Variants in SLC41A2 observed in about 807,000 individuals in gnomAD.
SLC41A2 encodes the protein SLC41A1-like 1.
Under a neutral mutation model 58.3 loss-of-function variants are expected in SLC41A2, and 32 were observed. That is an observed-to-expected ratio of 0.55 (90% CI 0.41 to 0.74). The LOEUF (loss-of-function observed/expected upper bound fraction) is 0.74, where lower values mean the gene tolerates loss of function less well. SLC41A2 is among the 30% of genes least tolerant of loss of function. The probability of loss-of-function intolerance (pLI) is 0.00; values close to 1 mark genes in which losing one functional copy is unlikely to be tolerated. For synonymous variants in SLC41A2, 190 were observed against 235.0 expected, an observed-to-expected ratio of 0.81 and a Z score of 1.75; for missense variants, 514 against 680.6, an observed-to-expected ratio of 0.76 and a Z score of 2.72.
chr12:104,828,347 A>C (rs548634742), intron 10 of SLC41A2, among the ~76,000 whole-genome samples: 7 of 152,258 alleles, frequency 4.6e-5, no homozygotes, highest in Non-Finnish European at 1.0e-4. Flanking sequence ...AAAACCTTGC[A>C]CTCATTCTCT....
At chr12:104,944,532 G>T (rs2047636783) in intron 1 of SLC41A2, among the ~76,000 whole-genome samples, 1 of 152,194 alleles carries the variant, frequency 6.6e-6, no homozygotes, top group Non-Finnish European at 1.5e-5. Flanking sequence ...TTGAAACAAT[G>T]ACCTAACTCT....
In SLC41A2 at chr12:104,803,302, C is replaced by T. The variant is rs1048334595; in HGVS notation, c.*1850G>A. 3 of 151,914 alleles carry T rather than the reference C, an allele frequency of 2.0e-5. No individual in the cohort carries two copies. The highest frequency in any genetic ancestry group is 7.3e-5 in the African/African-American group (3 of 41,324). 9.4% of individuals were successfully genotyped at this position (151,914 alleles called of 1,614,324 possible). ...GCAGCTAAATATTCATCAACTTAAA[C>T]TTATTCTTTCTTTTATAAGAATGTT... On this transcript the variant is annotated 3_prime_UTR_variant, in exon 11 of 11. Transcript: ENST00000258538.
intron 10 of SLC41A2, among the ~76,000 whole-genome samples, chr12:104,806,891 T>C (rs1437723581): frequency 6.6e-6 from 1 of 152,186 alleles, no homozygotes; most frequent in African/African-American, 2.4e-5. Flanking sequence ...TCATATCCTT[T>C]GCCCACTTGT....
chr12:104,850,214 A>G (rs2042748465), intron 8 of SLC41A2, among the ~76,000 whole-genome samples: 1 of 152,210 alleles, frequency 6.6e-6, no homozygotes, highest in African/African-American at 2.4e-5. Context: ...AAAAAAAGTG[A>G]TGAAACTACA....
intron 10 of SLC41A2, among the ~76,000 whole-genome samples, chr12:104,806,827 A>AT (rs895419054): frequency 2.0e-5 from 3 of 151,758 alleles, no homozygotes; most frequent in African/African-American, 7.3e-5. Flanking sequence ...GATGATGAGC[A>AT]TTTTTTCATG....
chr12:104,836,090 C>A (rs7969595), intron 10 of SLC41A2, among the ~76,000 whole-genome samples: 1 of 152,146 alleles, frequency 6.6e-6, no homozygotes, highest in Non-Finnish European at 1.5e-5. Context: ...GTGATCCATC[C>A]GCCTTGGCCT....
chr12:104,917,870 C>T (rs2046400126), intron 2 of SLC41A2, among the ~76,000 whole-genome samples: 1 of 145,306 alleles, frequency 6.9e-6, no homozygotes, highest in African/African-American at 2.5e-5. Context: ...ATACCTAATG[C>T]TAAATGATGA....
At chr12:104,853,926 T>TTTTTTTTTTTTTA (rs2042918304) in intron 8 of SLC41A2, among the ~76,000 whole-genome samples, 22 of 118,928 alleles carry the variant, frequency 1.8e-4, no homozygotes, top group Middle Eastern at 4.1e-3. Flanking sequence ...TTTTTTTTTT[T>TTTTTTTTTTTTTA]TTTTTTTTTT....
intron 1 of SLC41A2, among the ~76,000 whole-genome samples, chr12:104,930,871 A>G (rs139613419): frequency 1.8e-4 from 27 of 152,390 alleles, no homozygotes; most frequent in Admixed American, 7.2e-4. Flanking sequence ...GTGGCTAAGC[A>G]CATAGTCAAC....
chr12:104,876,632 A>G (rs1005264471), intron 6 of SLC41A2, among the ~76,000 whole-genome samples: 6 of 152,030 alleles, frequency 3.9e-5, no homozygotes, highest in Admixed American at 3.9e-4. Flanking sequence ...ACTTGATATG[A>G]TTTCAGTCTC....
chr12:104,904,205 A>T (rs186162718), intron 3 of SLC41A2, among the ~76,000 whole-genome samples: 25 of 152,330 alleles, frequency 1.6e-4, no homozygotes, highest in African/African-American at 5.5e-4. Context: ...TCTTTGAGAT[A>T]AGCTAGCCAA....
chr12:104,885,382 CCTTT>C (rs58622210), intron 6 of SLC41A2, among the ~76,000 whole-genome samples: 1,877 of 152,172 alleles, frequency 0.012, 50 homozygotes, highest in African/African-American at 0.043. Flanking sequence ...TGGTTAAAGC[CCTTT>C]CTTTATTTCA....
chr12:104,932,480 C>G (rs2047089506), intron 1 of SLC41A2, among the ~76,000 whole-genome samples: 1 of 151,846 alleles, frequency 6.6e-6, no homozygotes, highest in Admixed American at 6.6e-5. Flanking sequence ...CAAAAATTAG[C>G]TGGGCATGAT....
chr12:104,925,607 TA>T (rs1432164029), intron 2 of SLC41A2, among the ~76,000 whole-genome samples: 20 of 152,064 alleles, frequency 1.3e-4, no homozygotes, highest in Non-Finnish European at 2.5e-4. Context: ...TGTTTAACAC[TA>T]AAGTTTAACA....
intron 1 of SLC41A2, among the ~76,000 whole-genome samples, chr12:104,947,194 CCTTTTTT>C (rs1442066087): frequency 1.9e-4 from 10 of 53,688 alleles, no homozygotes; most frequent in African/African-American, 2.3e-4. Flanking sequence ...TTATTTTTGT[CCTTTTTT>C]TTTTTTTTTT....
intron 2 of SLC41A2, among the ~76,000 whole-genome samples, chr12:104,911,635 T>A (rs2046091525): frequency 6.6e-6 from 1 of 151,852 alleles, no homozygotes; most frequent in South Asian, 2.1e-4. Flanking sequence ...TGAAGGAAAA[T>A]TTTGATTTGT....
intron 2 of SLC41A2, among the ~76,000 whole-genome samples, chr12:104,924,091 C>T (rs2046729053): frequency 6.6e-6 from 1 of 152,024 alleles, no homozygotes; most frequent in South Asian, 2.1e-4. Context: ...ATAAGAAAAA[C>T]AAATAACAGC....
intron 10 of SLC41A2, among the ~76,000 whole-genome samples, chr12:104,821,659 TAAAAC>T (rs1418008107): frequency 3.3e-5 from 5 of 152,152 alleles, no homozygotes; most frequent in Non-Finnish European, 7.4e-5. Flanking sequence ...CATGTTGAAA[TAAAAC>T]AATATTTAGG....
At chr12:104,910,915 G>T (rs2046057443) in intron 2 of SLC41A2, among the ~76,000 whole-genome samples, 2 of 152,158 alleles carry the variant, frequency 1.3e-5, no homozygotes, top group Admixed American at 1.3e-4. Context: ...TGATCCAGGA[G>T]AGATTAACTA....
Sources: gnomAD v4.1 joint callset for allele counts (sites outside exome capture counted in the v4.1 genomes callset) on GRCh38, gnomAD v4.1.1 for gene constraint, MANE v1.5 for transcripts, NCBI Gene and HGNC (gene_info 2026-07-23, HGNC 2026-07-21) for gene names.